USP6NL: variants seen among roughly 807,000 people sequenced by gnomAD.
The protein encoded by USP6NL is USP6 N-terminal like.
In USP6NL, 26 loss-of-function variants were observed where a neutral mutation model predicts 61.9. The observed-to-expected ratio is 0.42, with a 90% confidence interval of 0.31 to 0.58. The LOEUF (loss-of-function observed/expected upper bound fraction) is 0.58. USP6NL is among the 20% of genes least tolerant of loss of function. USP6NL has a pLI of 0.16. For missense variants in USP6NL, 1,114 were observed against 1,034.3 expected (o/e 1.08, Z -1.06); for synonymous variants, 432 against 390.1 (o/e 1.11, Z -1.27).
chr10:11,500,016 C>G (rs776894207), intron 7 of USP6NL, among the ~76,000 whole-genome samples: 2 of 152,116 alleles, frequency 1.3e-5, no homozygotes, highest in Non-Finnish European at 1.5e-5. Flanking sequence ...TGTCCTTTGC[C>G]AGGACATGGA....
At position 11,484,682 on chromosome 10, in the gene USP6NL, G is replaced by A. The variant is rs547043486; in HGVS notation, c.925+289C>T. 3.3e-5 allele frequency among the ~76,000 whole-genome samples: 5 copies of A among 152,196 alleles called. No homozygotes were observed. The South Asian group carries it at 8.3e-4, about 25-fold the overall frequency. ...ATCCCAGTGGAAACAAATACTTAAC[G>A]AAAAATATTACTAGTGAAACCAACT... On this transcript the variant is annotated intron_variant, in intron 13 of 14. Transcript: ENST00000609104.
chr10:11,507,130 C>T (rs1344743171), intron 6 of USP6NL, among the ~76,000 whole-genome samples: 1 of 152,102 alleles, frequency 6.6e-6, no homozygotes, highest in Non-Finnish European at 1.5e-5. Context: ...AGAATAATAG[C>T]CCAGTAGAAT....
At chr10:11,539,845 T>C (rs1835979709) in intron 2 of USP6NL, among the ~76,000 whole-genome samples, 1 of 152,240 alleles carries the variant, frequency 6.6e-6, no homozygotes, top group Non-Finnish European at 1.5e-5. Context: ...ACATGCATAA[T>C]CTCACTTAAA....
chr10:11,541,214 C>CAA lies in USP6NL; in HGVS notation c.5-13649_5-13648dup, dbSNP rs1836037799. 7.6e-5 allele frequency among the ~76,000 whole-genome samples: 8 copies of CAA among 105,202 alleles called. No homozygotes were observed. The South Asian group carries it at 2.5e-3, about 33-fold the overall frequency. The allele number at this position is 105,202 out of a possible 152,430, so 69.0% of individuals were successfully genotyped here. A position where few individuals can be genotyped will look rare whatever the true frequency, so the allele number is the denominator to read the frequency against. The stretch of plus-strand genomic sequence containing the variant: ...AATAAGTAAGATTTATTTTATATAA[C>CAA]AAACATCAATAGTGCCATATATATA... On this transcript the variant is annotated intron_variant, in intron 2 of 14. Coordinates refer to ENST00000609104, the MANE Select transcript of USP6NL (RefSeq NM_014688.5).
chr10:11,535,699 G>C, intron 2 of USP6NL, among the ~76,000 whole-genome samples: 1 of 152,144 alleles, frequency 6.6e-6, no homozygotes, highest in East Asian at 1.9e-4. Context: ...ACAATAATCT[G>C]AATAAGTTAT....
At chr10:11,472,499 A>G (rs933475211) in intron 14 of USP6NL, among the ~76,000 whole-genome samples, 32 of 152,228 alleles carry the variant, frequency 2.1e-4, no homozygotes, top group African/African-American at 6.5e-4. Flanking sequence ...GAATACACAC[A>G]CTCTGACTGT....
Position 11,485,425 on chromosome 10 carries a change from G to A in USP6NL, c.760-191C>T, listed in dbSNP as rs1833418931. On this transcript the variant is annotated intron_variant, in intron 11 of 14. Transcript: ENST00000609104. This position sits in a 1 kb window ranked among gnomAD's most constrained non-coding sequence, Gnocchi z 4.8. ...GATTCTCTTTAATATATTTTACAGT[G>A]AGCTTTCTTTGTTTTACTAAACTAC... Among the ~76,000 whole-genome samples, 1 of 152,146 alleles carries A rather than the reference G, an allele frequency of 6.6e-6. No homozygotes were observed. The highest frequency in any genetic ancestry group is 1.5e-5 in the Non-Finnish European group (1 of 68,008).
Position 11,463,322 on chromosome 10 carries a change from C to T in USP6NL, c.1606G>A (p.Ala536Thr). The change falls in exon 15 of 15, where the codon GCC becomes ACC. Residue 536 changes from alanine to threonine, a missense_variant. By Grantham distance (58) the Ala-to-Thr change is moderately conservative. Transcript: ENST00000609104. This position sits in a 1 kb window ranked among gnomAD's most constrained non-coding sequence, Gnocchi z 6.3. ...CGCTTCCCGTCCTCAGCATCCAGGG[C>T]CTTCATCTTTGGCCGCACGTTTGAC... is the stretch of plus-strand genomic sequence containing the variant. Reference protein sequence around the residue: ...RVSNVRPKMKALDAEDGKRGS... With the variant: ...RVSNVRPKMKTLDAEDGKRGS... The T allele has an allele frequency of 6.2e-7, 1 of 1,613,930 alleles. No individual in the cohort carries two copies.
rs568892015 is a variant in USP6NL at position 11,496,038 on chromosome 10, G to A, written c.385-2810C>T. ...TCTCCTGTCAGGAAGACAAGCACCT[G>A]GCTGCTAGTGATCTGGGAGGTGAGT... On this transcript the variant is annotated intron_variant, in intron 7 of 14. Coordinates refer to ENST00000609104, the MANE Select transcript of USP6NL (RefSeq NM_014688.5). The surrounding 1 kb of genome is among the most constrained non-coding windows in gnomAD (Gnocchi z 5.4). Among the ~76,000 whole-genome samples the A allele has an allele frequency of 1.3e-5, 2 of 152,312 alleles. No homozygotes were observed. The highest frequency in any genetic ancestry group is 4.8e-5 in the African/African-American group (2 of 41,566).
chr10:11,550,794 T>TA lies in USP6NL; in HGVS notation c.5-23228dup, dbSNP rs200645454. On this transcript the variant is annotated intron_variant, in intron 2 of 14. Transcript: ENST00000609104. The stretch of plus-strand genomic sequence containing the variant: ...ATAAAAACAAAATAATAAAAAAAAT[T>TA]AAAAAAAAAACAGGCAAGAGATTTG... Among the ~76,000 whole-genome samples, 235 of 144,264 alleles carry TA rather than the reference T, an allele frequency of 1.6e-3. 1 individual carries two copies. The highest frequency in any genetic ancestry group is 9.9e-3 in the East Asian group (49 of 4,970). 94.6% of individuals were successfully genotyped at this position (144,264 alleles called of 152,430 possible).
At chr10:11,609,509 T>C (rs1214540810) in intron 1 of USP6NL, among the ~76,000 whole-genome samples, 1 of 152,210 alleles carries the variant, frequency 6.6e-6, no homozygotes, top group Non-Finnish European at 1.5e-5. Flanking sequence ...AGAATTGTAA[T>C]CACTTGTCTC....
chr10:11,540,410 T>C lies in USP6NL; in HGVS notation c.5-12843A>G, dbSNP rs1836003460. On this transcript the variant is annotated intron_variant, in intron 2 of 14. Coordinates refer to ENST00000609104, the MANE Select transcript of USP6NL (RefSeq NM_014688.5). The surrounding 1 kb of genome is among the most constrained non-coding windows in gnomAD (Gnocchi z 5.0). Reference sequence around the variant, plus strand: ...ACTTTACTAAAACACTTTATCCTTTTAGTATTACTAAAGCAACTGCCTTCA... The same window carrying C: ...ACTTTACTAAAACACTTTATCCTTTCAGTATTACTAAAGCAACTGCCTTCA... Among the ~76,000 whole-genome samples, 1 of 152,222 alleles carries C rather than the reference T, an allele frequency of 6.6e-6. No individual in the cohort carries two copies. Among genetic ancestry groups the C allele is most frequent in the Non-Finnish European group, 1.5e-5 (1 of 68,028 alleles).
intron 4 of USP6NL, among the ~76,000 whole-genome samples, chr10:11,523,157 T>C (rs1835276706): frequency 6.6e-6 from 1 of 152,206 alleles, no homozygotes; most frequent in South Asian, 2.1e-4. Flanking sequence ...AAAACATAAA[T>C]ACAAAAGAAC....
rs754708448 is a variant in USP6NL at position 11,468,856 on chromosome 10, A to G, written c.1079-5007T>C. On this transcript the variant is annotated intron_variant, in intron 14 of 14. Transcript: ENST00000609104. The surrounding 1 kb of genome is among the most constrained non-coding windows in gnomAD (Gnocchi z 4.5). ...GTTTCTTAGGAGAAAGAAAAAACCAATTGAGAAGTAATGGAAGGACTGAGG... is the reference window on the plus strand; with the variant it reads ...GTTTCTTAGGAGAAAGAAAAAACCAGTTGAGAAGTAATGGAAGGACTGAGG... 3.3e-5 allele frequency among the ~76,000 whole-genome samples: 5 copies of G among 152,194 alleles called. No homozygotes were observed. The highest frequency in any genetic ancestry group is 9.6e-5 in the African/African-American group (4 of 41,458).
At position 11,482,087 on chromosome 10, in the gene USP6NL, A is replaced by C. The variant is rs1156464448; in HGVS notation, c.926-165T>G. 2.6e-5 allele frequency among the ~76,000 whole-genome samples: 4 copies of C among 152,238 alleles called. No individual in the cohort carries two copies. The highest frequency in any genetic ancestry group is 5.9e-5 in the Non-Finnish European group (4 of 68,034). ...CATCATTAAAACTCAGTAAGACAAA[A>C]ATATTGCCTGATATTAAAGCAGCCA... On this transcript the variant is annotated intron_variant, in intron 13 of 14. Coordinates refer to ENST00000609104, the MANE Select transcript of USP6NL (RefSeq NM_014688.5). The surrounding 1 kb of genome is among the most constrained non-coding windows in gnomAD (Gnocchi z 4.0).
rs1337381401 is a variant in USP6NL at position 11,611,504 on chromosome 10, C to A, written c.-145G>T. On this transcript the variant is annotated 5_prime_UTR_variant, in exon 1 of 15. Transcript: ENST00000609104. This position sits in a 1 kb window ranked among gnomAD's most constrained non-coding sequence, Gnocchi z 5.3. ...GACAGAGCTGGCGGTCCCGGGCGGC[C>A]GAGCAGATCCGGCGCGGCGCGGCGC... is the stretch of plus-strand genomic sequence containing the variant. 2 of 160,030 alleles carry A rather than the reference C, an allele frequency of 1.2e-5. No homozygotes were observed. The highest frequency in any genetic ancestry group is 1.7e-4 in the South Asian group (1 of 5,802). 9.9% of individuals were successfully genotyped at this position (160,030 alleles called of 1,614,324 possible).
chr10:11,460,600 T>G lies in USP6NL; in HGVS notation c.*1841A>C, dbSNP rs865925847. ...CATAAATGACATAAGAAAATAGTGC[T>G]TGTGTGTATATATATATTTTTTGCA... On this transcript the variant is annotated 3_prime_UTR_variant, in exon 15 of 15. Coordinates refer to ENST00000609104, the MANE Select transcript of USP6NL (RefSeq NM_014688.5). 7.0e-6 allele frequency: 1 copy of G among 142,998 alleles called. No individual in the cohort carries two copies. Among genetic ancestry groups the G allele is most frequent in the African/African-American group, 2.6e-5 (1 of 38,898 alleles). The allele number at this position is 142,998 out of a possible 1,614,324, so 8.9% of individuals were successfully genotyped here.
intron 6 of USP6NL, 120 bp downstream of exon 6, chr10:11,509,475 A>C (rs1193547705): frequency 1.1e-6 from 1 of 944,046 alleles, no homozygotes; most frequent in African/African-American, 1.7e-5. Context: ...TGCTAAATTA[A>C]ACCAAAATTT....
intron 4 of USP6NL, among the ~76,000 whole-genome samples, chr10:11,521,692 T>TA (rs1300218644): frequency 2.0e-5 from 3 of 152,098 alleles, no homozygotes; most frequent in African/African-American, 7.2e-5. Flanking sequence ...TGATACTCTT[T>TA]AAAAACAAAC....
Sources: allele counts gnomAD v4.1 joint callset (sites outside exome capture counted in the v4.1 genomes callset), GRCh38; gene constraint gnomAD v4.1.1; non-coding constraint Gnocchi (gnomAD v3.1); transcripts MANE v1.5; gene names NCBI Gene and HGNC (gene_info 2026-07-23, HGNC 2026-07-21).